The following ZCWPW2 variants were observed in gnomAD, a reference collection of about 807,000 sequenced individuals.
The protein encoded by ZCWPW2 is zinc finger CW-type PWWP domain protein 2.
ZCWPW2 carries 45 observed loss-of-function variants against 46.6 expected under a neutral mutation model. That is an observed-to-expected ratio of 0.96 (90% CI 0.76 to 1.24). The LOEUF is 1.24. Ranked by LOEUF, ZCWPW2 falls within the 50% of genes most tolerant of loss-of-function variation. ZCWPW2 has a pLI of 0.00. For synonymous variants in ZCWPW2, 152 were observed against 137.1 expected, an observed-to-expected ratio of 1.11 and a Z score of -0.76; for missense variants, 429 against 403.9, an observed-to-expected ratio of 1.06 and a Z score of -0.53.
At chr3:28,490,880 T>C (rs1488137267) in intron 5 of ZCWPW2, among the ~76,000 whole-genome samples, 1 of 152,152 alleles carries the variant, frequency 6.6e-6, no homozygotes, top group Non-Finnish European at 1.5e-5. Flanking sequence ...AATGATCAGT[T>C]TATTTTAATT....
intron 2 of ZCWPW2, among the ~76,000 whole-genome samples, chr3:28,394,842 G>T (rs1474214565): frequency 6.6e-6 from 1 of 152,052 alleles, no homozygotes; most frequent in African/African-American, 2.4e-5. Flanking sequence ...TATAACATTT[G>T]TCTTGGCAAT....
intron 2 of ZCWPW2, among the ~76,000 whole-genome samples, chr3:28,400,883 T>TA (rs919393246): frequency 6.6e-6 from 1 of 151,824 alleles, no homozygotes; most frequent in Non-Finnish European, 1.5e-5. Context: ...AAATACAGCT[T>TA]AAAAAAACAA....
At chr3:28,447,890 T>A in intron 4 of ZCWPW2, 8 of 917,462 alleles carry the variant, frequency 8.7e-6, no homozygotes, top group Non-Finnish European at 1.2e-5. Context: ...CTTAGAGGGG[T>A]TCGTGCTGTG....
chr3:28,448,295 T>A (rs1435213906), intron 4 of ZCWPW2, among the ~76,000 whole-genome samples: 1 of 152,002 alleles, frequency 6.6e-6, no homozygotes, highest in African/African-American at 2.4e-5. Context: ...TTCCATACAC[T>A]AAGAATGCCA....
At chr3:28,352,143 C>CAT (rs1704576960) in intron 1 of ZCWPW2, among the ~76,000 whole-genome samples, 1 of 144,120 alleles carries the variant, frequency 6.9e-6, no homozygotes, top group Admixed American at 7.3e-5. Context: ...CACACACACA[C>CAT]ACACACACAC....
At chr3:28,408,327 G>A (rs1377704060) in intron 2 of ZCWPW2, among the ~76,000 whole-genome samples, 1 of 152,064 alleles carries the variant, frequency 6.6e-6, no homozygotes, top group African/African-American at 2.4e-5. Flanking sequence ...CCCCTTTATA[G>A]CAACCCATTG....
intron 1 of ZCWPW2, among the ~76,000 whole-genome samples, chr3:28,359,938 T>G (rs1704878355): frequency 6.6e-6 from 1 of 152,170 alleles, no homozygotes; most frequent in Non-Finnish European, 1.5e-5. Flanking sequence ...TAGGAAAAAT[T>G]AGAAATCATT....
Position 28,525,738 on chromosome 3 carries a change from T to G in ZCWPW2, c.*1050T>G, listed in dbSNP as rs998086080. On this transcript the variant is annotated 3_prime_UTR_variant, in exon 10 of 10. Transcript: ENST00000383768. ...GTTGCTTCTTTTAAGTATTTTTAGA[T>G]TCTATGATAATTACGTAGAGTGGAG... Among the ~76,000 whole-genome samples, 2 of 152,206 alleles carry G rather than the reference T, an allele frequency of 1.3e-5. No individual in the cohort carries two copies. Among genetic ancestry groups the G allele is most frequent in the Non-Finnish European group, 2.9e-5 (2 of 68,016 alleles).
rs1196718208 is a variant in ZCWPW2 at position 28,349,065 on chromosome 3, G to C, written c.-272G>C. 3.0e-6 allele frequency: 3 copies of C among 985,810 alleles called. No individual in the cohort carries two copies. The highest frequency in any genetic ancestry group is 4.7e-5 in the South Asian group (1 of 21,322). 61.1% of individuals were successfully genotyped at this position (985,810 alleles called of 1,614,324 possible). On this transcript the variant is annotated 5_prime_UTR_variant, in exon 1 of 10. Transcript: ENST00000383768. ...AGTCAGGCCCGAGGGAGCTGGGAGG[G>C]CGTTAGCGAAGCCAGGTTCGGTCGT...
At chr3:28,447,577 T>A (rs1288655270) in intron 4 of ZCWPW2, 1 of 190,202 alleles carries the variant, frequency 5.3e-6, no homozygotes, top group Non-Finnish European at 1.1e-5. Context: ...ATTAAAAGCT[T>A]TTCTTCTGAG....
intron 8 of ZCWPW2, 54 bp downstream of exon 8, chr3:28,515,675 G>T: frequency 6.7e-7 from 1 of 1,499,356 alleles, no homozygotes; most frequent in South Asian, 1.2e-5. Flanking sequence ...TAATTCCACA[G>T]AATGTAGTTG....
chr3:28,368,162 T>C (rs1201340022), intron 1 of ZCWPW2, among the ~76,000 whole-genome samples: 1 of 152,166 alleles, frequency 6.6e-6, no homozygotes. Context: ...GTTAATATTG[T>C]TATGTGTGAA....
chr3:28,397,450 A>G (rs1049057656), intron 2 of ZCWPW2, among the ~76,000 whole-genome samples: 1 of 152,144 alleles, frequency 6.6e-6, no homozygotes, highest in East Asian at 1.9e-4. Flanking sequence ...CAGGTGGATC[A>G]TTTGAGGTCA....
chr3:28,396,668 GAT>G (rs1422498332), intron 2 of ZCWPW2, among the ~76,000 whole-genome samples: 1 of 152,164 alleles, frequency 6.6e-6, no homozygotes, highest in Admixed American at 6.5e-5. Flanking sequence ...GCTAAAAATG[GAT>G]ATATATCTTC....
At chr3:28,495,603 A>G (rs888957378) in intron 6 of ZCWPW2, among the ~76,000 whole-genome samples, 10 of 152,066 alleles carry the variant, frequency 6.6e-5, no homozygotes, top group African/African-American at 2.4e-4. Context: ...TTGTATGGTA[A>G]TTTGATAGAA....
chr3:28,367,712 A>G (rs531734166), intron 1 of ZCWPW2, among the ~76,000 whole-genome samples: 4 of 151,884 alleles, frequency 2.6e-5, no homozygotes, highest in African/African-American at 9.7e-5. Context: ...TTAACTTTCT[A>G]TCTCGTTGAT....
At position 28,524,788 on chromosome 3, in the gene ZCWPW2, A is replaced by C; in HGVS notation, c.*100A>C. 1 of 1,023,564 alleles carries C rather than the reference A, an allele frequency of 9.8e-7. No homozygotes were observed. 63.4% of individuals were successfully genotyped at this position (1,023,564 alleles called of 1,614,324 possible). Reference sequence around the variant, plus strand: ...ATGTTTAGTGAAATAGGTATAAATTATACCAAAGTTTATATTTGCGGTAAC... The same window carrying C: ...ATGTTTAGTGAAATAGGTATAAATTCTACCAAAGTTTATATTTGCGGTAAC... On this transcript the variant is annotated 3_prime_UTR_variant, in exon 10 of 10. Coordinates refer to ENST00000383768, the MANE Select transcript of ZCWPW2 (RefSeq NM_001040432.4).
chr3:28,420,537 C>G (rs748307167), intron 3 of ZCWPW2, among the ~76,000 whole-genome samples: 4 of 151,490 alleles, frequency 2.6e-5, no homozygotes, highest in Non-Finnish European at 5.9e-5. Context: ...ATATTTTTCT[C>G]TAATCACTTT....
At chr3:28,498,709 TTACATA>T (rs1700062412) in intron 6 of ZCWPW2, among the ~76,000 whole-genome samples, 1 of 151,952 alleles carries the variant, frequency 6.6e-6, no homozygotes, top group African/African-American at 2.4e-5. Flanking sequence ...TGCAGGTTTG[TTACATA>T]GGTATACACG....
Sources: gnomAD v4.1 joint callset for allele counts (sites outside exome capture counted in the v4.1 genomes callset) on GRCh38, gnomAD v4.1.1 for gene constraint, MANE v1.5 for transcripts, NCBI Gene and HGNC (gene_info 2026-07-23, HGNC 2026-07-21) for gene names.